The following PDZRN3 variants were observed in gnomAD, a reference collection of about 807,000 sequenced individuals.
PDZRN3 encodes the protein E3 ubiquitin-protein ligase PDZRN3.
Under a neutral mutation model 85.7 loss-of-function variants are expected in PDZRN3, and 38 were observed. The ratio of observed to expected loss-of-function variants is 0.44; its 90% confidence interval spans 0.34 to 0.58. The LOEUF is 0.58. Among genes scored for constraint, PDZRN3 ranks in the 20% least tolerant of loss-of-function variants. PDZRN3 has a pLI of 0.01. For missense variants in PDZRN3, 1,629 were observed against 1,506.4 expected (o/e 1.08, Z -1.35); for synonymous variants, 759 against 638.0 (o/e 1.19, Z -2.86).
intron 3 of PDZRN3, among the ~76,000 whole-genome samples, chr3:73,549,527 A>C (rs1293457493): frequency 1.3e-5 from 2 of 152,206 alleles, no homozygotes; most frequent in Non-Finnish European, 2.9e-5. Flanking sequence ...ACGATGATGC[A>C]GCAAGTACAC....
chr3:73,394,265 A>C (rs1701590348), intron 5 of PDZRN3, among the ~76,000 whole-genome samples: 1 of 152,220 alleles, frequency 6.6e-6, no homozygotes, highest in Non-Finnish European at 1.5e-5. Context: ...ATATTTTTGC[A>C]CGGGAGAGAA....
At chr3:73,483,299 A>G (rs1703603009) in intron 3 of PDZRN3, among the ~76,000 whole-genome samples, 1 of 152,234 alleles carries the variant, frequency 6.6e-6, no homozygotes, top group Non-Finnish European at 1.5e-5. Flanking sequence ...TAAAGTCAAC[A>G]TAATGAAGAT....
chr3:73,613,707 A>C (rs1702717288), intron 1 of PDZRN3, among the ~76,000 whole-genome samples: 1 of 152,112 alleles, frequency 6.6e-6, no homozygotes, highest in East Asian at 1.9e-4. Context: ...CCCGACCCTG[A>C]AGACTGAGGA....
At chr3:73,428,088 C>T (rs544257254) in intron 3 of PDZRN3, among the ~76,000 whole-genome samples, 2 of 152,180 alleles carry the variant, frequency 1.3e-5, no homozygotes, top group Non-Finnish European at 2.9e-5. Context: ...TGAAAGGAGG[C>T]CTGCAGGACC....
At chr3:73,414,350 A>C (rs918588471) in intron 3 of PDZRN3, among the ~76,000 whole-genome samples, 1 of 152,248 alleles carries the variant, frequency 6.6e-6, no homozygotes, top group African/African-American at 2.4e-5. Flanking sequence ...GATTCACTGT[A>C]AACAGAATTT....
intron 3 of PDZRN3, among the ~76,000 whole-genome samples, chr3:73,544,140 G>A (rs990734921): frequency 6.6e-6 from 1 of 152,170 alleles, no homozygotes; most frequent in African/African-American, 2.4e-5. Context: ...TTGAACCCAG[G>A]AGGCAGAGCT....
intron 3 of PDZRN3, among the ~76,000 whole-genome samples, chr3:73,527,542 TCTGA>T (rs750587214): frequency 7.7e-4 from 118 of 152,284 alleles, no homozygotes; most frequent in Non-Finnish European, 9.7e-4. Flanking sequence ...TGTACTAGAA[TCTGA>T]CTGTCAGCCT....
At position 73,506,026 on chromosome 3, in the gene PDZRN3, A is replaced by G. The variant is rs150433122; in HGVS notation, c.918+96328T>C. On this transcript the variant is annotated intron_variant, in intron 3 of 9. Transcript: ENST00000263666. ...CCATGGAACTCAGGTACGGGCAGGT[A>G]GAGAGCAGGTAGAAAAAAAATAAAG... is the stretch of plus-strand genomic sequence containing the variant. Among the ~76,000 whole-genome samples the G allele has an allele frequency of 2.3e-4, 35 of 152,290 alleles. No homozygotes were observed. The East Asian group carries it at 5.6e-3, about 24-fold the overall frequency.
chr3:73,388,096 A>C, intron 7 of PDZRN3, 27 bp from the exon 8 acceptor site: 5 of 1,006,874 alleles, frequency 5.0e-6, no homozygotes, highest in African/African-American at 1.6e-5. Flanking sequence ...GGGGGTGGGG[A>C]GAGTGGGGAG....
intron 3 of PDZRN3, among the ~76,000 whole-genome samples, chr3:73,503,969 C>A (rs182396548): frequency 3.9e-5 from 6 of 152,160 alleles, no homozygotes; most frequent in Non-Finnish European, 7.3e-5. Context: ...AAACAGAAAC[C>A]CAGCCATGTG....
At chr3:73,598,347 G>T (rs564215555) in intron 3 of PDZRN3, among the ~76,000 whole-genome samples, 1 of 152,140 alleles carries the variant, frequency 6.6e-6, no homozygotes, top group African/African-American at 2.4e-5. Flanking sequence ...TTACAGTTTC[G>T]AATGAATATT....
intron 3 of PDZRN3, among the ~76,000 whole-genome samples, chr3:73,589,213 T>C (rs1431216686): frequency 6.6e-6 from 1 of 152,170 alleles, no homozygotes; most frequent in Non-Finnish European, 1.5e-5. Flanking sequence ...ACAAGCAACG[T>C]GCTTAATCAA....
At chr3:73,430,376 T>C (rs1414977656) in intron 3 of PDZRN3, among the ~76,000 whole-genome samples, 1 of 152,238 alleles carries the variant, frequency 6.6e-6, no homozygotes, top group East Asian at 1.9e-4. Context: ...TCATAATTTC[T>C]AGTTTGAAGC....
intron 3 of PDZRN3, among the ~76,000 whole-genome samples, chr3:73,472,612 G>T (rs1703367271): frequency 6.6e-6 from 1 of 152,306 alleles, no homozygotes; most frequent in East Asian, 1.9e-4. Context: ...ACAGCACTTT[G>T]TCTCTCTTAG....
intron 3 of PDZRN3, among the ~76,000 whole-genome samples, chr3:73,505,684 T>A (rs74752612): frequency 0.012 from 1,874 of 152,262 alleles, 26 homozygotes; most frequent in African/African-American, 0.042. Flanking sequence ...TTTATTTTCA[T>A]CATCAGAAAC....
intron 2 of PDZRN3, among the ~76,000 whole-genome samples, chr3:73,603,996 C>T (rs1156780248): frequency 6.6e-6 from 1 of 152,126 alleles, no homozygotes; most frequent in Non-Finnish European, 1.5e-5. Context: ...TTTATCCCCA[C>T]ATGACAAAGA....
intron 3 of PDZRN3, among the ~76,000 whole-genome samples, chr3:73,470,150 T>C (rs201293706): frequency 1.3e-5 from 2 of 151,966 alleles, no homozygotes; most frequent in African/African-American, 2.4e-5. Flanking sequence ...TTAGTGGCTG[T>C]TGGCTAAAAA....
chr3:73,390,302 T>C (rs1335290684), intron 6 of PDZRN3, among the ~76,000 whole-genome samples: 1 of 152,164 alleles, frequency 6.6e-6, no homozygotes, highest in Non-Finnish European at 1.5e-5. Context: ...GAAATATAAT[T>C]GGGACAAGGG....
At chr3:73,542,462 T>TA (rs1322011271) in intron 3 of PDZRN3, among the ~76,000 whole-genome samples, 3 of 152,176 alleles carry the variant, frequency 2.0e-5, no homozygotes, top group Non-Finnish European at 2.9e-5. Flanking sequence ...GACCATGACA[T>TA]AAAAAAAGGC....
Sources: allele counts gnomAD v4.1 joint callset (sites outside exome capture counted in the v4.1 genomes callset), GRCh38; gene constraint gnomAD v4.1.1; transcripts MANE v1.5; gene names NCBI Gene and HGNC (gene_info 2026-07-23, HGNC 2026-07-21).